ATP13A4: variants seen among roughly 807,000 people sequenced by gnomAD.
ATP13A4 encodes the protein ATPase 13A4.
In ATP13A4, 114 loss-of-function variants were observed where a neutral mutation model predicts 142.5. The observed-to-expected ratio is 0.80, with a 90% CI of 0.69 to 0.93. The LOEUF (loss-of-function observed/expected upper bound fraction) is 0.93, where lower values mean the gene tolerates loss of function less well. Among genes scored for constraint, ATP13A4 ranks in the 40% least tolerant of loss-of-function variants. The pLI is 0.00. For synonymous variants in ATP13A4, 488 were observed against 514.8 expected (o/e 0.95, Z 0.70); for missense variants, 1,392 against 1,454.0 (o/e 0.96, Z 0.69).
chr3:193,552,061 C>A (rs981555355), intron 1 of ATP13A4, among the ~76,000 whole-genome samples: 6 of 152,212 alleles, frequency 3.9e-5, no homozygotes, highest in South Asian at 4.1e-4. Flanking sequence ...GCAACCTCTG[C>A]CTCCCAGGTT....
At chr3:193,410,554 AT>A (rs976110549) in intron 28 of ATP13A4, among the ~76,000 whole-genome samples, 2 of 151,972 alleles carry the variant, frequency 1.3e-5, no homozygotes, top group Non-Finnish European at 2.9e-5. Flanking sequence ...CTCTACAAAA[AT>A]TTTTTTTTAA....
intron 8 of ATP13A4, among the ~76,000 whole-genome samples, chr3:193,475,498 T>C (rs2108651841): frequency 6.6e-6 from 1 of 151,966 alleles, no homozygotes; most frequent in South Asian, 2.1e-4. Flanking sequence ...ATATTATATA[T>C]AATCTGTTTA....
At chr3:193,467,783 C>T (rs1376805682) in intron 9 of ATP13A4, among the ~76,000 whole-genome samples, 1 of 152,076 alleles carries the variant, frequency 6.6e-6, no homozygotes, top group Non-Finnish European at 1.5e-5. Flanking sequence ...TAGGGAACCA[C>T]AGGCTGTGCA....
intron 1 of ATP13A4, among the ~76,000 whole-genome samples, chr3:193,526,075 T>C (rs1422059893): frequency 1.3e-5 from 2 of 152,186 alleles, no homozygotes; most frequent in East Asian, 3.9e-4. Flanking sequence ...TTGCTAGGCC[T>C]GGCTTGCTAG....
intron 12 of ATP13A4, among the ~76,000 whole-genome samples, chr3:193,463,452 G>A (rs1718079696): frequency 6.7e-6 from 1 of 149,964 alleles, no homozygotes; most frequent in Non-Finnish European, 1.5e-5. Flanking sequence ...AAAAAAAGGT[G>A]GTGGTATTTC....
At chr3:193,455,335 C>T (rs1240430581) in intron 16 of ATP13A4, among the ~76,000 whole-genome samples, 5 of 120,620 alleles carry the variant, frequency 4.1e-5, no homozygotes, top group African/African-American at 1.3e-4. Flanking sequence ...AGCGAGACTC[C>T]GTCTCAAAAA....
intron 2 of ATP13A4, among the ~76,000 whole-genome samples, chr3:193,565,818 C>T (rs1372462776): frequency 1.3e-5 from 2 of 152,238 alleles, no homozygotes; most frequent in Admixed American, 6.5e-5. Flanking sequence ...GAAACATATT[C>T]ATTTCCTGTT....
intron 18 of ATP13A4, among the ~76,000 whole-genome samples, chr3:193,446,031 T>G (rs1391319862): frequency 1.3e-5 from 2 of 150,956 alleles, no homozygotes; most frequent in Non-Finnish European, 2.9e-5. Flanking sequence ...AGGCAAGTGG[T>G]GCATGCCTGC....
chr3:193,415,678 G>A (rs753893178), intron 25 of ATP13A4, among the ~76,000 whole-genome samples: 1 of 152,152 alleles, frequency 6.6e-6, no homozygotes, highest in Non-Finnish European at 1.5e-5. Flanking sequence ...ACCTAACACA[G>A]AACTCACTCT....
chr3:193,526,502 G>A (rs1457497649), intron 1 of ATP13A4, among the ~76,000 whole-genome samples: 2 of 152,058 alleles, frequency 1.3e-5, no homozygotes, highest in South Asian at 4.1e-4. Context: ...TACCTAATAC[G>A]TGCAGGGCTT....
At chr3:193,447,282 C>T (rs1184136701) in intron 18 of ATP13A4, among the ~76,000 whole-genome samples, 2 of 152,080 alleles carry the variant, frequency 1.3e-5, no homozygotes, top group African/African-American at 4.8e-5. Flanking sequence ...AAAAGTTGGA[C>T]TGGGGTGTTA....
intron 17 of ATP13A4, among the ~76,000 whole-genome samples, chr3:193,450,282 C>T (rs1274533581): frequency 6.6e-6 from 1 of 152,184 alleles, no homozygotes; most frequent in Non-Finnish European, 1.5e-5. Flanking sequence ...CAATGCTGTG[C>T]TCAACACCAC....
chr3:193,576,775 T>C (rs1386972363), intron 2 of ATP13A4, among the ~76,000 whole-genome samples: 1 of 152,164 alleles, frequency 6.6e-6, no homozygotes, highest in African/African-American at 2.4e-5. Flanking sequence ...GAACCCGACC[T>C]GGAGGCTAAG....
At chr3:193,462,969 A>T in intron 12 of ATP13A4, 146 bp from the exon 13 acceptor site, 1 of 729,358 alleles carries the variant, frequency 1.4e-6, no homozygotes. Flanking sequence ...ACATAATGAA[A>T]CCACCTCCCT....
intron 1 of ATP13A4, among the ~76,000 whole-genome samples, chr3:193,545,592 T>A (rs961669372): frequency 1.3e-5 from 2 of 152,130 alleles, no homozygotes; most frequent in African/African-American, 4.8e-5. Flanking sequence ...ATTTGTCAAG[T>A]CAACCTACTC....
chr3:193,489,663 T>C lies in ATP13A4; in HGVS notation c.738+67A>G. The C allele has an allele frequency of 2.6e-6, 4 of 1,526,546 alleles. No individual in the cohort carries two copies. The South Asian group carries it at 3.4e-5, about 13-fold the overall frequency. 94.6% of individuals were successfully genotyped at this position (1,526,546 alleles called of 1,614,324 possible). A position where few individuals can be genotyped will look rare whatever the true frequency, so the allele number is the denominator to read the frequency against. On this transcript the variant is annotated intron_variant, in intron 7 of 29. Transcript: ENST00000342695. ...GTGACTATTTCCTGATTCTCCTTTC[T>C]AACAAATTTTTAATAAAGTCATTAT...
At chr3:193,591,528 G>A (rs1724783029) in intron 1 of ATP13A4, among the ~76,000 whole-genome samples, 1 of 152,176 alleles carries the variant, frequency 6.6e-6, no homozygotes, top group Non-Finnish European at 1.5e-5. Context: ...AGGTTTTCAT[G>A]GCTAGTACGG....
At chr3:193,547,976 C>A (rs1350539134) in intron 1 of ATP13A4, among the ~76,000 whole-genome samples, 1 of 152,076 alleles carries the variant, frequency 6.6e-6, no homozygotes, top group Non-Finnish European at 1.5e-5. Context: ...GCACAGAGGA[C>A]TCCTGGCAAA....
intron 8 of ATP13A4, among the ~76,000 whole-genome samples, chr3:193,477,836 C>G (rs1719059702): frequency 6.6e-6 from 1 of 151,972 alleles, no homozygotes; most frequent in African/African-American, 2.4e-5. Flanking sequence ...CCGAGGGTCT[C>G]TCCTTAGTGT....
Sources: gnomAD v4.1 joint callset for allele counts (sites outside exome capture counted in the v4.1 genomes callset) on GRCh38, gnomAD v4.1.1 for gene constraint, MANE v1.5 for transcripts, NCBI Gene and HGNC (gene_info 2026-07-23, HGNC 2026-07-21) for gene names.